Variants in NKD1 observed in about 807,000 individuals in gnomAD.
NKD1 encodes the protein NKD inhibitor of Wnt signaling pathway 1.
NKD1 carries 21 observed loss-of-function variants against 56.0 expected under a neutral mutation model. The observed-to-expected ratio is 0.38, with a 90% CI of 0.27 to 0.54. The LOEUF (loss-of-function observed/expected upper bound fraction) is 0.54. Ranked by LOEUF, NKD1 falls within the 20% of genes least tolerant of loss-of-function variation. The pLI is 0.82. For missense variants in NKD1, 578 were observed against 642.7 expected (o/e 0.90, Z 1.09); for synonymous variants, 263 against 265.7 (o/e 0.99, Z 0.10).
chr16:50,581,158 T>C (rs1410985032), intron 3 of NKD1, among the ~76,000 whole-genome samples: 1 of 152,204 alleles, frequency 6.6e-6, no homozygotes, highest in East Asian at 1.9e-4. Context: ...CCTGTACTGA[T>C]GTATTGCTTA....
intron 3 of NKD1, chr16:50,553,486 A>C (rs1960434823): frequency 6.6e-6 from 1 of 152,054 alleles, no homozygotes; most frequent in African/African-American, 2.4e-5. Context: ...GAAGATGAGG[A>C]GGGTGCAGGC....
chr16:50,556,735 T>TTG (rs1960512436), intron 3 of NKD1: 1 of 151,004 alleles, frequency 6.6e-6, no homozygotes, highest in African/African-American at 2.4e-5. Context: ...AGGGTTTTTT[T>TTG]TTTTTTTTTT....
intron 3 of NKD1, among the ~76,000 whole-genome samples, chr16:50,600,697 C>G (rs1234346508): frequency 3.9e-5 from 6 of 152,156 alleles, no homozygotes; most frequent in Non-Finnish European, 7.3e-5. Context: ...CCTTTGGTGA[C>G]TGAGGCTGGC....
In NKD1 at chr16:50,608,287, CT is replaced by C; in HGVS notation, c.193-5del. ...CTGCTCAATGCCTCTGCTCTGTCTT[CT>C]TGTAGGAGCTCGTGGGCGACGTGTT... On this transcript the variant is annotated splice_region_variant and splice_polypyrimidine_tract_variant and intron_variant, in intron 3 of 9. Transcript: ENST00000268459. 1 of 1,610,060 alleles carries C rather than the reference CT, an allele frequency of 6.2e-7. No homozygotes were observed. The highest frequency in any genetic ancestry group is 8.5e-7 in the Non-Finnish European group (1 of 1,176,524).
chr16:50,583,440 C>T (rs1961162355), intron 3 of NKD1, among the ~76,000 whole-genome samples: 1 of 152,146 alleles, frequency 6.6e-6, no homozygotes, highest in Non-Finnish European at 1.5e-5. Context: ...AGGCGTCAGA[C>T]ATGAGCCATT....
intron 4 of NKD1, among the ~76,000 whole-genome samples, chr16:50,618,861 T>C (rs1294795129): frequency 6.6e-6 from 1 of 152,030 alleles, no homozygotes; most frequent in African/African-American, 2.4e-5. Flanking sequence ...GGAAGACATA[T>C]GAGGGGTCGA....
At chr16:50,630,948 C>T (rs1431837597) in intron 8 of NKD1, 38 bp downstream of exon 8, 5 of 1,499,534 alleles carry the variant, frequency 3.3e-6, no homozygotes, top group South Asian at 2.4e-5. Flanking sequence ...ATGTTGAGCA[C>T]CAGCTGTGTA....
chr16:50,593,086 G>A (rs1308035653), intron 3 of NKD1, among the ~76,000 whole-genome samples: 1 of 152,162 alleles, frequency 6.6e-6, no homozygotes, highest in African/African-American at 2.4e-5. Flanking sequence ...GAGTGGGGCC[G>A]GGAACTGTGC....
intron 3 of NKD1, among the ~76,000 whole-genome samples, chr16:50,560,629 G>GT (rs768360893): frequency 0.049 from 6,680 of 137,554 alleles, 481 homozygotes; most frequent in African/African-American, 0.16. Flanking sequence ...GTTTAGGCGA[G>GT]TTTTTTTTTT....
chr16:50,579,567 G>A (rs111385055), intron 3 of NKD1, among the ~76,000 whole-genome samples: 2 of 110,882 alleles, frequency 1.8e-5, no homozygotes, highest in African/African-American at 4.2e-5. Context: ...AACCCGCCAC[G>A]CATGCACTGT....
chr16:50,630,809 T>C lies in NKD1; in HGVS notation c.611-17T>C. ...CAGCTCACCTGGTGTCTCCTGTGCT[T>C]CTCGGGCCGGACTCAGACCTGCAGA... On this transcript the variant is annotated splice_polypyrimidine_tract_variant and intron_variant, in intron 7 of 9. Transcript: ENST00000268459. The C allele has an allele frequency of 6.3e-7, 1 of 1,576,670 alleles. No homozygotes were observed. Among genetic ancestry groups the C allele is most frequent in the Non-Finnish European group, 8.6e-7 (1 of 1,161,946 alleles).
intron 3 of NKD1, among the ~76,000 whole-genome samples, chr16:50,581,276 T>G (rs540525476): frequency 6.6e-6 from 1 of 152,332 alleles, no homozygotes; most frequent in Non-Finnish European, 1.5e-5. Flanking sequence ...ACCCATTAAA[T>G]AAGTTCCTTA....
intron 3 of NKD1, among the ~76,000 whole-genome samples, chr16:50,597,614 T>G (rs1241975565): frequency 3.3e-5 from 5 of 152,196 alleles, no homozygotes; most frequent in Non-Finnish European, 7.3e-5. Context: ...CCTTTTTGTT[T>G]ATCAACAGCA....
At chr16:50,574,011 G>T (rs1354722202) in intron 3 of NKD1, 1 of 947,776 alleles carries the variant, frequency 1.1e-6, no homozygotes, top group Non-Finnish European at 1.3e-6. Flanking sequence ...TATATACATA[G>T]AAATTTTAAA....
chr16:50,596,283 T>G (rs1329320086), intron 3 of NKD1, among the ~76,000 whole-genome samples: 1 of 152,202 alleles, frequency 6.6e-6, no homozygotes, highest in Non-Finnish European at 1.5e-5. Context: ...CTGTAGGTCT[T>G]GCCACTGCTA....
At chr16:50,570,547 C>T (rs1486558379) in intron 3 of NKD1, among the ~76,000 whole-genome samples, 1 of 152,190 alleles carries the variant, frequency 6.6e-6, no homozygotes, top group Non-Finnish European at 1.5e-5. Context: ...TGGGCGAGTG[C>T]CTTAACCTCT....
At chr16:50,630,705 C>G in intron 7 of NKD1, 121 bp from the exon 8 acceptor site, 2 of 794,720 alleles carry the variant, frequency 2.5e-6, no homozygotes, top group South Asian at 3.6e-5. Context: ...CTTTATTTAG[C>G]CCCAGCTCAG....
At chr16:50,550,265 G>A (rs2151260876) in intron 3 of NKD1, among the ~76,000 whole-genome samples, 1 of 152,284 alleles carries the variant, frequency 6.6e-6, no homozygotes, top group South Asian at 2.1e-4. Context: ...GTGAGCTCCG[G>A]AACTCTGCAC....
intron 3 of NKD1, among the ~76,000 whole-genome samples, chr16:50,571,822 T>C (rs1453419571): frequency 6.6e-6 from 1 of 152,102 alleles, no homozygotes; most frequent in Non-Finnish European, 1.5e-5. Context: ...CCACTCCCTC[T>C]CCTACTTGAA....
Sources: allele counts gnomAD v4.1 joint callset (sites outside exome capture counted in the v4.1 genomes callset), GRCh38; gene constraint gnomAD v4.1.1; transcripts MANE v1.5; gene names NCBI Gene and HGNC (gene_info 2026-07-23, HGNC 2026-07-21).